The following FAM184B variants were observed in gnomAD, a reference collection of about 807,000 sequenced individuals.
The protein encoded by FAM184B is family with sequence similarity 184 member B.
In FAM184B, 111 loss-of-function variants were observed where a neutral mutation model predicts 135.9. The observed-to-expected ratio is 0.82, with a 90% CI of 0.70 to 0.96. The LOEUF (loss-of-function observed/expected upper bound fraction) is 0.96. Ranked by LOEUF, FAM184B falls within the 40% of genes least tolerant of loss-of-function variation. The probability of loss-of-function intolerance (pLI) is 0.00; values close to 1 mark genes in which losing one functional copy is unlikely to be tolerated. For missense variants in FAM184B, 1,375 were observed against 1,323.9 expected (o/e 1.04, Z -0.60); for synonymous variants, 552 against 524.8 (o/e 1.05, Z -0.71).
chr4:17,669,643 T>C (rs1006546003), intron 7 of FAM184B, among the ~76,000 whole-genome samples: 12 of 152,204 alleles, frequency 7.9e-5, no homozygotes, highest in African/African-American at 2.7e-4. Flanking sequence ...AAAGGAATTG[T>C]TCACTGAAAT....
In FAM184B at chr4:17,631,793, C is replaced by G. The variant is rs568563364; in HGVS notation, c.*739G>C. 1 of 152,114 alleles carries G rather than the reference C, an allele frequency of 6.6e-6. No homozygotes were observed. 9.4% of individuals were successfully genotyped at this position (152,114 alleles called of 1,614,324 possible). ...GCTTTCCTGTTTAACTGTTATTTGT[C>G]TTCCTATTGAGGTTAGATGTGCATT... On this transcript the variant is annotated 3_prime_UTR_variant, in exon 18 of 18. Transcript: ENST00000265018.
At chr4:17,677,456 T>C (rs1716338237) in intron 7 of FAM184B, among the ~76,000 whole-genome samples, 1 of 152,108 alleles carries the variant, frequency 6.6e-6, no homozygotes, top group South Asian at 2.1e-4. Flanking sequence ...CCTGGAAATA[T>C]ACAACTCTTC....
rs1714944091 is a variant in FAM184B at position 17,631,531 on chromosome 4, G to C, written c.*1001C>G. The C allele has an allele frequency of 6.6e-6, 1 of 152,120 alleles. No homozygotes were observed. Among genetic ancestry groups the C allele is most frequent in the Non-Finnish European group, 1.5e-5 (1 of 68,028 alleles). 9.4% of individuals were successfully genotyped at this position (152,120 alleles called of 1,614,324 possible). On this transcript the variant is annotated 3_prime_UTR_variant, in exon 18 of 18. Transcript: ENST00000265018. Reference sequence around the variant, plus strand: ...TCACAAGTGATCATGTTGGCACTATGGTCATTACACTGAGACCTATAACTG... The same window carrying C: ...TCACAAGTGATCATGTTGGCACTATCGTCATTACACTGAGACCTATAACTG...
intron 14 of FAM184B, among the ~76,000 whole-genome samples, chr4:17,638,144 T>C (rs1350526438): frequency 3.7e-3 from 72 of 19,436 alleles, no homozygotes; most frequent in African/African-American, 0.012. Context: ...CTTTTTTTTT[T>C]TTTTTTTTTT....
chr4:17,658,256 T>G, intron 10 of FAM184B, 94 bp downstream of exon 10: 1 of 1,061,586 alleles, frequency 9.4e-7, no homozygotes, highest in Non-Finnish European at 1.4e-6. Flanking sequence ...GCTCGGGGGA[T>G]TGGATGTCAT....
intron 17 of FAM184B, 56 bp downstream of exon 17, chr4:17,633,633 C>T: frequency 2.2e-6 from 3 of 1,364,976 alleles, no homozygotes; most frequent in Non-Finnish European, 9.6e-7. Context: ...ATCCTACTTC[C>T]CCTCTTATCT....
intron 1 of FAM184B, among the ~76,000 whole-genome samples, chr4:17,724,038 T>C (rs1013569850): frequency 1.3e-5 from 2 of 152,006 alleles, no homozygotes; most frequent in South Asian, 4.1e-4. Context: ...AATGTATCCA[T>C]GTAATCAAAA....
At chr4:17,669,683 C>T (rs115225310) in intron 7 of FAM184B, among the ~76,000 whole-genome samples, 2,536 of 152,158 alleles carry the variant, frequency 0.017, 78 homozygotes, top group African/African-American at 0.057. Flanking sequence ...AGCCCTCTAA[C>T]GATAGAGCCT....
chr4:17,768,620 T>C (rs1014439855), intron 1 of FAM184B, among the ~76,000 whole-genome samples: 3 of 152,008 alleles, frequency 2.0e-5, no homozygotes, highest in Non-Finnish European at 4.4e-5. Flanking sequence ...TATGTGTTAG[T>C]TTTTTTCTTT....
At chr4:17,659,562 C>T (rs1715865332) in intron 9 of FAM184B, among the ~76,000 whole-genome samples, 1 of 152,022 alleles carries the variant, frequency 6.6e-6, no homozygotes, top group Admixed American at 6.6e-5. Flanking sequence ...TCTCGGCTCA[C>T]TATAACCTCT....
intron 7 of FAM184B, among the ~76,000 whole-genome samples, chr4:17,665,103 C>T (rs534770174): frequency 3.0e-4 from 45 of 152,202 alleles, no homozygotes; most frequent in African/African-American, 1.1e-3. Flanking sequence ...GCCTGCTGCA[C>T]GGGGCTGTTG....
At chr4:17,736,791 G>A (rs1717919207) in intron 1 of FAM184B, among the ~76,000 whole-genome samples, 1 of 152,180 alleles carries the variant, frequency 6.6e-6, no homozygotes, top group East Asian at 1.9e-4. Context: ...GCTGGGAAAT[G>A]AAGTCTCTAG....
chr4:17,647,502 G>T, intron 12 of FAM184B, 135 bp downstream of exon 12: 1 of 1,106,126 alleles, frequency 9.0e-7, no homozygotes, highest in South Asian at 1.8e-5. Flanking sequence ...CTCTGGCTTT[G>T]GCCTCCCAAA....
chr4:17,639,442 G>A (rs1311353621), intron 13 of FAM184B, 46 bp from the exon 14 acceptor site: 1 of 1,545,786 alleles, frequency 6.5e-7, no homozygotes, highest in East Asian at 2.4e-5. Flanking sequence ...CTCCAGGGAT[G>A]GCACCCCTTG....
At chr4:17,670,157 GAC>G (rs1364233227) in intron 7 of FAM184B, among the ~76,000 whole-genome samples, 2 of 152,162 alleles carry the variant, frequency 1.3e-5, no homozygotes, top group Non-Finnish European at 2.9e-5. Context: ...CATACACTTA[GAC>G]GGAAATTTAT....
At chr4:17,749,662 T>C (rs1718250178) in intron 1 of FAM184B, among the ~76,000 whole-genome samples, 2 of 152,222 alleles carry the variant, frequency 1.3e-5, no homozygotes, top group South Asian at 4.1e-4. Context: ...AAAACAAGGT[T>C]GTATTACCTT....
chr4:17,640,880 C>G (rs1488298879), intron 13 of FAM184B, among the ~76,000 whole-genome samples: 1 of 152,210 alleles, frequency 6.6e-6, no homozygotes, highest in African/African-American at 2.4e-5. Context: ...GCCAAGCCTC[C>G]TGCACACATT....
intron 1 of FAM184B, among the ~76,000 whole-genome samples, chr4:17,713,410 C>T (rs963833491): frequency 3.3e-5 from 5 of 152,214 alleles, no homozygotes; most frequent in African/African-American, 1.2e-4. Flanking sequence ...TCACTTGGTG[C>T]ACAGGATTTG....
chr4:17,760,996 C>G (rs1485960052), intron 1 of FAM184B, among the ~76,000 whole-genome samples: 2 of 152,186 alleles, frequency 1.3e-5, no homozygotes, highest in Non-Finnish European at 2.9e-5. Flanking sequence ...TCCCCACTAG[C>G]CAGGGAGAAT....
Sources: gnomAD v4.1 joint callset for allele counts (sites outside exome capture counted in the v4.1 genomes callset) on GRCh38, gnomAD v4.1.1 for gene constraint, MANE v1.5 for transcripts, NCBI Gene and HGNC (gene_info 2026-07-23, HGNC 2026-07-21) for gene names.